The following KMT2B variants were observed in gnomAD, a reference collection of about 807,000 sequenced individuals.
The protein encoded by KMT2B is histone-lysine N-methyltransferase 2B.
In KMT2B, 22 loss-of-function variants were observed where a neutral mutation model predicts 255.3. That is an observed-to-expected ratio of 0.09 (90% CI 0.06 to 0.12). KMT2B has a LOEUF of 0.12. KMT2B is among the 10% of genes least tolerant of loss of function. The pLI is 1.00. For synonymous variants in KMT2B, 1,730 were observed against 1,498.1 expected (o/e 1.15, Z -3.57); for missense variants, 3,149 against 3,737.0 (o/e 0.84, Z 4.10).
At position 35,721,562 on chromosome 19, in the gene KMT2B, C is replaced by G. The variant is rs764462309; in HGVS notation, c.2215C>G (p.Gln739Glu). 1 of 1,611,638 alleles carries G rather than the reference C, an allele frequency of 6.2e-7. No homozygotes were observed. The highest frequency in any genetic ancestry group is 2.2e-5 in the East Asian group (1 of 44,860). ...NGPQTQAQLL[Q>E]PLQALQTQLL... ...GCCACAGACACAGGCTCAGCTACTGCAGCCCCTGCAGGCCTTGCAAACCCA... is the reference window on the plus strand; with the variant it reads ...GCCACAGACACAGGCTCAGCTACTGGAGCCCCTGCAGGCCTTGCAAACCCA... The change falls in exon 3 of 37, where the codon CAG becomes GAG. Residue 739 changes from glutamine (Q) to glutamate (E), a missense_variant. Transcript: ENST00000420124.
chr19:35,737,429 CCCG>C lies in KMT2B; in HGVS notation c.7550+169_7550+171del. ...AGGCTCCGTGGCTCATGCCTGTAAT[CCCG>C]CCACTTTGGGAGGCCGAGGCAGGAG... is the stretch of plus-strand genomic sequence containing the variant. On this transcript the variant is annotated intron_variant, in intron 33 of 36. Coordinates refer to ENST00000420124, the MANE Select transcript of KMT2B (RefSeq NM_014727.3). This position sits in a 1 kb window ranked among gnomAD's most constrained non-coding sequence, Gnocchi z 5.3. 1.1e-6 allele frequency: 1 copy of C among 889,116 alleles called. No homozygotes were observed. The highest frequency in any genetic ancestry group is 1.7e-6 in the Non-Finnish European group (1 of 604,642). 55.1% of individuals were successfully genotyped at this position (889,116 alleles called of 1,614,324 possible). A position where few individuals can be genotyped will look rare whatever the true frequency, so the allele number is the denominator to read the frequency against.
At position 35,723,751 on chromosome 19, in the gene KMT2B, G is replaced by T. The variant is rs1365030398; in HGVS notation, c.3078G>T (p.Thr1026=). Residue 1026 remains threonine, a synonymous_variant, in exon 8 of 37, where the codon ACG becomes ACT. Transcript: ENST00000420124. This position sits in a 1 kb window ranked among gnomAD's most constrained non-coding sequence, Gnocchi z 7.5. ...CCGCAGGCCGGACGATAGTGAAGAC[G>T]CTGTTGCCCTGGGATTCCGATGAAT... The part of the protein sequence containing the change: ...LAKKGRTIVK[T]LLPWDSDESP... 6.5e-7 allele frequency: 1 copy of T among 1,541,366 alleles called. No individual in the cohort carries two copies. Among genetic ancestry groups the T allele is most frequent in the African/African-American group, 1.4e-5 (1 of 72,194 alleles).
intron 2 of KMT2B, 84 bp downstream of exon 2, chr19:35,719,625 C>A: frequency 1.3e-6 from 2 of 1,507,304 alleles, no homozygotes; most frequent in Non-Finnish European, 1.8e-6. Context: ...GTTCAACTAG[C>A]CTCTGTCAGT....
rs1348808647 is a variant in KMT2B, at chr19:35,725,660, G to A, written c.3789+35G>A. 2.5e-6 allele frequency: 4 copies of A among 1,612,636 alleles called. No individual in the cohort carries two copies. The highest frequency in any genetic ancestry group is 3.4e-6 in the Non-Finnish European group (4 of 1,179,572). On this transcript the variant is annotated intron_variant, in intron 12 of 36. Transcript: ENST00000420124. This position sits in a 1 kb window ranked among gnomAD's most constrained non-coding sequence, Gnocchi z 4.1. ...CAAGGGCTGGCCAGGGTGGGTGGAGGCCTGAAGGTGAGGGCATCCCTGTGC... is the reference window on the plus strand; with the variant it reads ...CAAGGGCTGGCCAGGGTGGGTGGAGACCTGAAGGTGAGGGCATCCCTGTGC...
rs1970023683 is a variant in KMT2B, at chr19:35,738,803, T to C, written c.*246T>C. The C allele has an allele frequency of 1.8e-6, 1 of 540,838 alleles. No homozygotes were observed. Among genetic ancestry groups the C allele is most frequent in the Non-Finnish European group, 3.2e-6 (1 of 308,566 alleles). 33.5% of individuals were successfully genotyped at this position (540,838 alleles called of 1,614,324 possible). A position where few individuals can be genotyped will look rare whatever the true frequency, so the allele number is the denominator to read the frequency against. ...TACAAAGGTTTCTAAATCCCTTCTT[T>C]TCTATGCACTTTTTTATTTAAGAGG... is the stretch of plus-strand genomic sequence containing the variant. On this transcript the variant is annotated 3_prime_UTR_variant, in exon 37 of 37. Coordinates refer to ENST00000420124, the MANE Select transcript of KMT2B (RefSeq NM_014727.3). This position sits in a 1 kb window ranked among gnomAD's most constrained non-coding sequence, Gnocchi z 8.7.
chr19:35,737,601 C>A lies in KMT2B; in HGVS notation c.7551-35C>A. ...ATTTCCCTGTTAGCTCTGTCTTCAA[C>A]AGTATATTCCTCCTTCCCCTGCTGC... On this transcript the variant is annotated intron_variant, in intron 33 of 36. Transcript: ENST00000420124. The surrounding 1 kb of genome is among the most constrained non-coding windows in gnomAD (Gnocchi z 5.3). 1 of 1,377,410 alleles carries A rather than the reference C, an allele frequency of 7.3e-7. No homozygotes were observed. Among genetic ancestry groups the A allele is most frequent in the Non-Finnish European group, 1.0e-6 (1 of 992,808 alleles). The allele number at this position is 1,377,410 out of a possible 1,614,324, so 85.3% of individuals were successfully genotyped here.
intron 8 of KMT2B, 99 bp from the exon 9 acceptor site, chr19:35,724,538 A>C: frequency 2.1e-6 from 2 of 968,620 alleles, no homozygotes; most frequent in Non-Finnish European, 3.2e-6. Flanking sequence ...GGTCTTGGTT[A>C]GTTAAAGAAG....
Position 35,719,766 on chromosome 19 carries a change from C to T in KMT2B, c.437-18C>T, listed in dbSNP as rs1420623064. 3.2e-6 allele frequency: 5 copies of T among 1,566,496 alleles called. No individual in the cohort carries two copies. Among genetic ancestry groups the T allele is most frequent in the African/African-American group, 2.7e-5 (2 of 73,698 alleles). ...AGGGCTGGCTTGATCCATCTCCCCA[C>T]AACTATTCTCCTTTTAGGTCGAGCG... On this transcript the variant is annotated intron_variant, in intron 2 of 36. Transcript: ENST00000420124.
At chr19:35,726,388 CCACAGGGGAATGGCCAGGCTCT>C (rs760814957) in intron 14 of KMT2B, 35 bp downstream of exon 14, 1 of 1,421,112 alleles carries the variant, frequency 7.0e-7, no homozygotes, top group South Asian at 1.1e-5. Context: ...ATGCTGGGGG[CCACAGGGGAATGGCCAGGCTCT>C]TTTACAGGCT....
Position 35,737,762 on chromosome 19 carries a change from G to T in KMT2B, c.7658+19G>T. On this transcript the variant is annotated intron_variant, in intron 34 of 36. Coordinates refer to ENST00000420124, the MANE Select transcript of KMT2B (RefSeq NM_014727.3). The surrounding 1 kb of genome is among the most constrained non-coding windows in gnomAD (Gnocchi z 5.3). The stretch of plus-strand genomic sequence containing the variant: ...CAACCAGGTATGGAGTGTGAGCTGG[G>T]GGGCGGGTGGTGGTCTGGAAGGGTC... 6.4e-7 allele frequency: 1 copy of T among 1,558,206 alleles called. No homozygotes were observed. Among genetic ancestry groups the T allele is most frequent in the East Asian group, 2.4e-5 (1 of 41,972 alleles).
Position 35,723,196 on chromosome 19 carries a change from T to C in KMT2B, c.2924T>C (p.Val975Ala). The change falls in exon 6 of 37, where the codon GTG (valine) becomes GCG (alanine). Residue 975 changes from valine (V) to alanine (A), a missense_variant. Val to Ala is a moderately conservative substitution (Grantham distance 64, BLOSUM62 0). Coordinates refer to ENST00000420124, the MANE Select transcript of KMT2B (RefSeq NM_014727.3). This position sits in a 1 kb window ranked among gnomAD's most constrained non-coding sequence, Gnocchi z 7.5. ...GGACACTGTCGGGGCTGCCTACGTG[T>C]GCAGGACTGTGGGTCCTGTGTCAAC... ...RCGHCRGCLR[V>A]QDCGSCVNCL... is the part of the protein sequence containing the mutation. 6.2e-7 allele frequency: 1 copy of C among 1,613,368 alleles called. No homozygotes were observed. The highest frequency in any genetic ancestry group is 8.5e-7 in the Non-Finnish European group (1 of 1,179,852).
chr19:35,721,647 A>G lies in KMT2B; in HGVS notation c.2300A>G (p.Gln767Arg), dbSNP rs368773193. The G allele has an allele frequency of 2.7e-5, 43 of 1,613,162 alleles. No homozygotes were observed. In the East Asian group the frequency reaches 7.6e-4, roughly 28 times the overall value. ...CAGCTGCAGCCACCGCCGTCACCAC[A>G]GCAGATGCCTCCCCTGGAAAAAGCC... is the stretch of plus-strand genomic sequence containing the variant. ...QPQLQPPPSP[Q>R]QMPPLEKARI... The change falls in exon 3 of 37, where the codon CAG becomes CGG. Residue 767 changes from glutamine (Q) to arginine (R), a missense_variant. Around this residue, in one of 18 missense-constraint regions of KMT2B, gnomAD observed 1,188 missense variants for 1,106.4 expected, o/e 1.07. Coordinates refer to ENST00000420124, the MANE Select transcript of KMT2B (RefSeq NM_014727.3).
rs1288271075 is a variant in KMT2B, at chr19:35,725,700, A to G, written c.3790-23A>G. On this transcript the variant is annotated intron_variant, in intron 12 of 36. Transcript: ENST00000420124. This position sits in a 1 kb window ranked among gnomAD's most constrained non-coding sequence, Gnocchi z 4.1. ...CATCCCTGTGCCAGCAGGTTTCGCC[A>G]TCTCTGTCTCCACATCCAACAGCAC... 5 of 1,613,060 alleles carry G rather than the reference A, an allele frequency of 3.1e-6. No homozygotes were observed. Among genetic ancestry groups the G allele is most frequent in the South Asian group, 2.2e-5 (2 of 91,014 alleles).
At position 35,732,469 on chromosome 19, in the gene KMT2B, G is replaced by A; in HGVS notation, c.5920G>A (p.Gly1974Ser). 3.1e-6 allele frequency: 5 copies of A among 1,613,916 alleles called. No homozygotes were observed. The highest frequency in any genetic ancestry group is 4.2e-6 in the Non-Finnish European group (5 of 1,179,856). Reference sequence around the variant, plus strand: ...ATCTCCACCACCCCCTGAAGACCTGGGCCCAGACTTCGAGGACATGGAGGT... The same window carrying A: ...ATCTCCACCACCCCCTGAAGACCTGAGCCCAGACTTCGAGGACATGGAGGT... ...APSPPPPEDL[G>S]PDFEDMEVVS... The change falls in exon 28 of 37, where the codon GGC becomes AGC. Residue 1974 changes from glycine (G) to serine (S), a missense_variant. This residue lies in a region of KMT2B where 897 missense variants were observed against 825.3 expected (regional missense o/e 1.09). Transcript: ENST00000420124.
chr19:35,722,246 G>T, intron 3 of KMT2B, 113 bp from the exon 4 acceptor site: 1 of 1,072,824 alleles, frequency 9.3e-7, no homozygotes, highest in Non-Finnish European at 1.3e-6. Context: ...CTCGTGATCT[G>T]CCCGTCTCGG....
In KMT2B at chr19:35,725,801, C is replaced by T. The variant is rs748120825; in HGVS notation, c.3868C>T (p.Arg1290Cys). The change falls in exon 13 of 37, where the codon CGC becomes TGC. Residue 1290 changes from arginine to cysteine, a missense_variant. Physicochemically the swap from Arg to Cys is radical, Grantham distance 180 (BLOSUM62 -3). Transcript: ENST00000420124. The surrounding 1 kb of genome is among the most constrained non-coding windows in gnomAD (Gnocchi z 4.1). ...LGPSYPTRAT[R>C]KRRHWICSAC... ...GCCCAGCTATCCAACCCGGGCCACG[C>T]GCAAACGGCGCCACTGGGTGAGAGA... is the stretch of plus-strand genomic sequence containing the variant. 8 of 1,581,670 alleles carry T rather than the reference C, an allele frequency of 5.1e-6. No individual in the cohort carries two copies. Among genetic ancestry groups the T allele is most frequent in the African/African-American group, 2.7e-5 (2 of 74,042 alleles).
chr19:35,738,870 A>G lies in KMT2B; in HGVS notation c.*313A>G. 4 of 469,132 alleles carry G rather than the reference A, an allele frequency of 8.5e-6. No homozygotes were observed. Among genetic ancestry groups the G allele is most frequent in the Non-Finnish European group, 1.1e-5 (3 of 263,972 alleles). 29.1% of individuals were successfully genotyped at this position (469,132 alleles called of 1,614,324 possible). ...AACCCCCCCACAATAAAGTCTGTCAATGTTTGGAGAGGTGGTCTTCCCATT... is the reference window on the plus strand; with the variant it reads ...AACCCCCCCACAATAAAGTCTGTCAGTGTTTGGAGAGGTGGTCTTCCCATT... On this transcript the variant is annotated 3_prime_UTR_variant, in exon 37 of 37. Coordinates refer to ENST00000420124, the MANE Select transcript of KMT2B (RefSeq NM_014727.3). This position sits in a 1 kb window ranked among gnomAD's most constrained non-coding sequence, Gnocchi z 8.7.
intron 22 of KMT2B, 56 bp from the exon 23 acceptor site, chr19:35,729,911 G>T: frequency 6.5e-7 from 1 of 1,545,892 alleles, no homozygotes; most frequent in South Asian, 1.2e-5. Flanking sequence ...TGACAGTGGT[G>T]CCTGGCGCCC....
chr19:35,728,015 G>A (rs1485857586), intron 18 of KMT2B, 30 bp downstream of exon 18: 2 of 1,546,710 alleles, frequency 1.3e-6, no homozygotes, highest in Non-Finnish European at 8.8e-7. Flanking sequence ...CTTGTGGGGT[G>A]GGGGAGTGGG....
Sources: gnomAD v4.1 joint callset for allele counts on GRCh38, gnomAD v4.1.1 for gene constraint, gnomAD v4.1.1 regional missense constraint, Gnocchi (gnomAD v3.1) non-coding constraint, MANE v1.5 for transcripts, NCBI Gene and HGNC (gene_info 2026-07-23, HGNC 2026-07-21) for gene names.